ZFPM2: variants seen among roughly 807,000 people sequenced by gnomAD.
The protein encoded by ZFPM2 is zinc finger protein ZFPM2.
In ZFPM2, 20 loss-of-function variants were observed where a neutral mutation model predicts 98.6. The ratio of observed to expected loss-of-function variants is 0.20; its 90% CI spans 0.14 to 0.29. The LOEUF (loss-of-function observed/expected upper bound fraction) is 0.29, where lower values mean the gene tolerates loss of function less well. Among genes scored for constraint, ZFPM2 ranks in the 10% least tolerant of loss-of-function variants. ZFPM2 has a pLI of 1.00. For missense variants in ZFPM2, 1,310 were observed against 1,388.6 expected (o/e 0.94, Z 0.90); for synonymous variants, 518 against 502.7 (o/e 1.03, Z -0.41).
intron 6 of ZFPM2, among the ~76,000 whole-genome samples, chr8:105,791,260 G>C (rs1022863961): frequency 1.3e-5 from 2 of 151,918 alleles, no homozygotes; most frequent in Admixed American, 6.6e-5. Flanking sequence ...TTTGAGATAC[G>C]TCCCATCAAT....
At chr8:105,795,192 T>A (rs532955825) in intron 6 of ZFPM2, among the ~76,000 whole-genome samples, 38 of 152,058 alleles carry the variant, frequency 2.5e-4, no homozygotes, top group Admixed American at 5.9e-4. Context: ...CTGGGAGCTG[T>A]AGACTGGAGC....
chr8:105,368,374 A>G (rs974753551), intron 1 of ZFPM2, among the ~76,000 whole-genome samples: 1 of 152,290 alleles, frequency 6.6e-6, no homozygotes, highest in Admixed American at 6.5e-5. Flanking sequence ...TATTGATCTT[A>G]TCTCAGACAA....
intron 2 of ZFPM2, among the ~76,000 whole-genome samples, chr8:105,429,167 G>A (rs1012634311): frequency 2.0e-5 from 3 of 151,996 alleles, no homozygotes; most frequent in Non-Finnish European, 2.9e-5. Context: ...AATTTCTATT[G>A]TTGCTATATG....
At chr8:105,707,601 A>G (rs372597859) in intron 5 of ZFPM2, among the ~76,000 whole-genome samples, 51 of 152,282 alleles carry the variant, frequency 3.3e-4, no homozygotes, top group African/African-American at 9.6e-4. Context: ...TACTGTTGCT[A>G]TCTGTTGAAT....
chr8:105,665,822 G>A (rs1434916071), intron 5 of ZFPM2, among the ~76,000 whole-genome samples: 1 of 152,074 alleles, frequency 6.6e-6, no homozygotes, highest in Non-Finnish European at 1.5e-5. Flanking sequence ...AAGATTATTT[G>A]GGGATTAAAT....
intron 5 of ZFPM2, among the ~76,000 whole-genome samples, chr8:105,754,598 C>A (rs1563549956): frequency 6.6e-6 from 1 of 151,932 alleles, no homozygotes; most frequent in Non-Finnish European, 1.5e-5. Flanking sequence ...ATTTCTTATT[C>A]AACGACCTGC....
intron 3 of ZFPM2, among the ~76,000 whole-genome samples, chr8:105,530,587 G>A (rs188687012): frequency 6.6e-6 from 1 of 152,112 alleles, no homozygotes; most frequent in Admixed American, 6.6e-5. Context: ...ATGAGAGAGC[G>A]AGAGTGCATG....
intron 1 of ZFPM2, among the ~76,000 whole-genome samples, chr8:105,378,775 T>A (rs1563629702): frequency 1.3e-5 from 2 of 152,118 alleles, no homozygotes. Context: ...ACAAATGAGA[T>A]AAAGAAGAAG....
At chr8:105,461,726 G>C (rs1812707642) in intron 3 of ZFPM2, among the ~76,000 whole-genome samples, 2 of 152,220 alleles carry the variant, frequency 1.3e-5, no homozygotes, top group East Asian at 3.9e-4. Flanking sequence ...GCCGGTTACT[G>C]TTATAGGCAT....
intron 4 of ZFPM2, among the ~76,000 whole-genome samples, chr8:105,585,314 T>C (rs1186427518): frequency 6.6e-6 from 1 of 152,332 alleles, no homozygotes; most frequent in Middle Eastern, 3.4e-3. Flanking sequence ...TTTTGTTTTA[T>C]TAGTTTTTTT....
At position 105,798,920 on chromosome 8, in the gene ZFPM2, T is replaced by A. The variant is rs1172057286; in HGVS notation, c.936T>A (p.Ala312=). Residue 312 remains alanine (A), a synonymous_variant, in exon 7 of 8, where the codon GCT becomes GCA. Transcript: ENST00000407775. ...QCTKSFSNAR[A]LEMHLNSHSG... ...CCAAGAGCTTTTCAAATGCTCGAGC[T>A]CTAGAAATGCACCTGAATTCACACA... is the stretch of plus-strand genomic sequence containing the variant. The A allele has an allele frequency of 6.2e-7, 1 of 1,613,810 alleles. No homozygotes were observed. The highest frequency in any genetic ancestry group is 8.5e-7 in the Non-Finnish European group (1 of 1,179,818).
chr8:105,788,949 C>T, intron 6 of ZFPM2, 25 bp downstream of exon 6: 1 of 1,589,892 alleles, frequency 6.3e-7, no homozygotes, highest in Non-Finnish European at 8.6e-7. Context: ...CTGTGTAGCC[C>T]AGCTTTAGAG....
At chr8:105,529,726 A>AT (rs1394183561) in intron 3 of ZFPM2, among the ~76,000 whole-genome samples, 3 of 150,964 alleles carry the variant, frequency 2.0e-5, no homozygotes, top group Non-Finnish European at 3.0e-5. Context: ...TGCCACTTTG[A>AT]TTTTTTTTTC....
rs567943893 is a variant in ZFPM2, at chr8:105,439,693, A to G, written c.200-4587A>G. 3.3e-5 allele frequency among the ~76,000 whole-genome samples: 5 copies of G among 152,308 alleles called. No individual in the cohort carries two copies. The East Asian group carries it at 9.7e-4, about 29-fold the overall frequency. ...TCTAATTTGGGCTACATGTTTTCCA[A>G]AGTCCCCTCTGGTGCTCAAATCCCT... On this transcript the variant is annotated intron_variant, in intron 2 of 7. Transcript: ENST00000407775.
chr8:105,468,803 G>A (rs1812842546), intron 3 of ZFPM2, among the ~76,000 whole-genome samples: 2 of 152,190 alleles, frequency 1.3e-5, no homozygotes, highest in South Asian at 4.2e-4. Context: ...CTTTTTGTTG[G>A]CATTGTTGCA....
chr8:105,635,796 C>A (rs1816836727), intron 5 of ZFPM2, among the ~76,000 whole-genome samples: 1 of 152,032 alleles, frequency 6.6e-6, no homozygotes, highest in African/African-American at 2.4e-5. Flanking sequence ...ATACCTGGTC[C>A]CCATTTATGA....
intron 5 of ZFPM2, among the ~76,000 whole-genome samples, chr8:105,646,976 A>G (rs907209395): frequency 9.9e-5 from 15 of 152,266 alleles, no homozygotes; most frequent in South Asian, 2.1e-4. Context: ...ACCTAGCTCT[A>G]TAGGAAATGG....
chr8:105,334,568 G>A (rs1380438765), intron 1 of ZFPM2, among the ~76,000 whole-genome samples: 1 of 151,634 alleles, frequency 6.6e-6, no homozygotes, highest in East Asian at 1.9e-4. Flanking sequence ...CAGATTAATA[G>A]TGTATGATAG....
intron 1 of ZFPM2, among the ~76,000 whole-genome samples, chr8:105,409,675 A>G (rs1029489958): frequency 6.6e-6 from 1 of 151,964 alleles, no homozygotes; most frequent in South Asian, 2.1e-4. Flanking sequence ...TTATACTATT[A>G]CAAAGTGACT....
Sources: allele counts gnomAD v4.1 joint callset (sites outside exome capture counted in the v4.1 genomes callset), GRCh38; gene constraint gnomAD v4.1.1; transcripts MANE v1.5; gene names NCBI Gene and HGNC (gene_info 2026-07-23, HGNC 2026-07-21).